The following RUNX1T1 variants were observed in gnomAD, a reference collection of about 807,000 sequenced individuals.
RUNX1T1 encodes the protein RUNX1 partner transcriptional co-repressor 1, also known as protein CBFA2T1.
A neutral mutation model predicts 62.8 loss-of-function variants in RUNX1T1; 4 were observed. That is an observed-to-expected ratio of 0.06 (90% CI 0.03 to 0.15). RUNX1T1 has a LOEUF of 0.15. Among genes scored for constraint, RUNX1T1 ranks in the 10% least tolerant of loss-of-function variants. The probability of loss-of-function intolerance (pLI) is 1.00; values close to 1 mark genes in which losing one functional copy is unlikely to be tolerated. For missense variants in RUNX1T1, 508 were observed against 754.3 expected, an observed-to-expected ratio of 0.67 and a Z score of 3.82; for synonymous variants, 291 against 286.0, an observed-to-expected ratio of 1.02 and a Z score of -0.18.
At chr8:92,040,060 G>C (rs1396236757) in intron 1 of RUNX1T1, among the ~76,000 whole-genome samples, 1 of 152,114 alleles carries the variant, frequency 6.6e-6, no homozygotes, top group Admixed American at 6.6e-5. Flanking sequence ...TATAAGACTT[G>C]ACATTTCCCT....
chr8:92,014,518 G>A (rs1324260571), intron 3 of RUNX1T1, 61 bp downstream of exon 4: 2 of 1,465,624 alleles, frequency 1.4e-6, no homozygotes, highest in East Asian at 2.3e-5. Context: ...CTACATGTCT[G>A]AGTCTCCCAC....
chr8:92,018,267 A>C (rs911032373), intron 1 of RUNX1T1, among the ~76,000 whole-genome samples: 5 of 152,256 alleles, frequency 3.3e-5, no homozygotes, highest in Non-Finnish European at 5.9e-5. Flanking sequence ...TGATCTGTTC[A>C]AAGCAATTTC....
At chr8:91,986,907 C>T in exon 7 of RUNX1T1, 2 of 1,608,992 alleles carry the variant, frequency 1.2e-6, no homozygotes, top group Non-Finnish European at 1.7e-6. Flanking sequence ...TGTTTCCACT[C>T]TTCTGCCCAT....
chr8:91,986,345 A>G lies in RUNX1T1; in HGVS notation c.997-20T>C, dbSNP rs771471587. 5 of 1,560,482 alleles carry G rather than the reference A, an allele frequency of 3.2e-6. No homozygotes were observed. The highest frequency in any genetic ancestry group is 3.5e-6 in the Non-Finnish European group (4 of 1,131,450). On this transcript the variant is annotated intron_variant, in intron 7 of 10. Coordinates refer to ENST00000396218, the Ensembl canonical transcript of RUNX1T1. ...TAACAGCTATTTGGGAAAGGGGAGAATAGGGAAGAGCATATAAATCATCAC... is the reference window on the plus strand; with the variant it reads ...TAACAGCTATTTGGGAAAGGGGAGAGTAGGGAAGAGCATATAAATCATCAC...
chr8:91,961,550 T>A (rs913814204), intron 10 of RUNX1T1, among the ~76,000 whole-genome samples: 1 of 152,146 alleles, frequency 6.6e-6, no homozygotes, highest in African/African-American at 2.4e-5. Context: ...TTAAGATAAA[T>A]GCATCACGAA....
chr8:92,019,053 C>T (rs1823574100), intron 1 of RUNX1T1: 1 of 152,110 alleles, frequency 6.6e-6, no homozygotes, highest in African/African-American at 2.4e-5. Flanking sequence ...GTCACTTATT[C>T]TAGAAAAATA....
chr8:92,027,816 T>C (rs1288668837), intron 1 of RUNX1T1, among the ~76,000 whole-genome samples: 6 of 151,672 alleles, frequency 4.0e-5, no homozygotes, highest in African/African-American at 1.2e-4. Context: ...CGATTACTAT[T>C]TTTGGAAAAC....
At chr8:91,959,224 G>C (rs891763115) in exon 11 of RUNX1T1, 11 of 218,112 alleles carry the variant, frequency 5.0e-5, no homozygotes, top group African/African-American at 2.5e-4. Context: ...ATTTTGGAAA[G>C]GGGCTGGAGC....
At chr8:92,001,373 A>G (rs1819725249) in intron 5 of RUNX1T1, among the ~76,000 whole-genome samples, 1 of 152,178 alleles carries the variant, frequency 6.6e-6, no homozygotes, top group African/African-American at 2.4e-5. Context: ...AGGAAAAAAA[A>G]CATAAAAAGA....
At position 91,991,709 on chromosome 8, in the gene RUNX1T1, A is replaced by C. The variant is rs755120809; in HGVS notation, c.840T>G (p.Ile280Met). Residue 280 changes from isoleucine (I) to methionine (M), a missense_variant, in exon 6 of 11, where the codon ATT (isoleucine) becomes ATG (methionine). This residue lies in a region of RUNX1T1 where 167 missense variants were observed against 208.6 expected (regional missense o/e 0.80). Transcript: ENST00000396218. ...GATAGGAGTCCCTGTAGTGGTGGGC[A>C]ATGGCCATATCATCCAAACGGTAAT... 5.0e-6 allele frequency: 8 copies of C among 1,614,070 alleles called. 1 individual carries two copies. Among genetic ancestry groups the C allele is most frequent in the South Asian group, 2.2e-5 (2 of 91,074 alleles).
intron 2 of RUNX1T1, among the ~76,000 whole-genome samples, chr8:92,074,927 T>C (rs1174677240): frequency 1.3e-5 from 2 of 152,192 alleles, no homozygotes; most frequent in Non-Finnish European, 2.9e-5. Flanking sequence ...TGTATCATCC[T>C]ACAGGGAATT....
chr8:91,965,970 C>T (rs1168647471), intron 10 of RUNX1T1, among the ~76,000 whole-genome samples: 1 of 151,900 alleles, frequency 6.6e-6, no homozygotes, highest in Non-Finnish European at 1.5e-5. Flanking sequence ...GCAAAGCAGG[C>T]AGATCACAGA....
At chr8:92,087,115 G>A (rs1054671904) in intron 1 of RUNX1T1, among the ~76,000 whole-genome samples, 36 of 152,090 alleles carry the variant, frequency 2.4e-4, no homozygotes, top group Non-Finnish European at 4.9e-4. Flanking sequence ...TATTATAAAA[G>A]CAGAGCTATT....
chr8:92,073,923 C>T (rs1834039700), intron 2 of RUNX1T1, among the ~76,000 whole-genome samples: 1 of 152,092 alleles, frequency 6.6e-6, no homozygotes, highest in Non-Finnish European at 1.5e-5. Flanking sequence ...GTCTAGAACT[C>T]CTGAGTTCAA....
intron 1 of RUNX1T1, among the ~76,000 whole-genome samples, chr8:92,041,880 G>A (rs947627830): frequency 2.0e-5 from 3 of 147,814 alleles, no homozygotes; most frequent in Non-Finnish European, 3.0e-5. Flanking sequence ...ATGCAGTGGT[G>A]AGATCTCGGC....
At chr8:92,014,535 T>C in intron 3 of RUNX1T1, 44 bp downstream of exon 4, 2 of 1,540,814 alleles carry the variant, frequency 1.3e-6, no homozygotes, top group Non-Finnish European at 1.8e-6. Flanking sequence ...CCACCCACAC[T>C]ATCCCTTACA....
chr8:91,957,942 A>T (rs1314505140), downstream of RUNX1T1: 1 of 221,220 alleles, frequency 4.5e-6, no homozygotes, highest in Non-Finnish European at 9.1e-6. Context: ...CACCACCCAA[A>T]CAAAATTAAA....
At chr8:92,004,028 A>G (rs1473413936) in intron 5 of RUNX1T1, among the ~76,000 whole-genome samples, 2 of 152,230 alleles carry the variant, frequency 1.3e-5, no homozygotes, top group African/African-American at 4.8e-5. Flanking sequence ...TTATGTAATA[A>G]CAGTATGTAA....
chr8:91,961,794 T>TA (rs1810506645), intron 10 of RUNX1T1, among the ~76,000 whole-genome samples: 2 of 152,260 alleles, frequency 1.3e-5, no homozygotes, highest in African/African-American at 4.8e-5. Flanking sequence ...TTCAACTTTT[T>TA]ATTCTTTAAC....
Sources: gnomAD v4.1 joint callset for allele counts (sites outside exome capture counted in the v4.1 genomes callset) on GRCh38, gnomAD v4.1.1 for gene constraint, gnomAD v4.1.1 regional missense constraint, MANE v1.5 for transcripts, NCBI Gene and HGNC (gene_info 2026-07-23, HGNC 2026-07-21) for gene names.